IRAK2: variants seen among roughly 807,000 people sequenced by gnomAD.
The protein encoded by IRAK2 is interleukin-1 receptor-associated kinase-like 2.
IRAK2 carries 57 observed loss-of-function variants against 72.0 expected under a neutral mutation model. The observed-to-expected ratio is 0.79, with a 90% confidence interval of 0.64 to 0.99. The LOEUF (loss-of-function observed/expected upper bound fraction) is 0.99, where lower values mean the gene tolerates loss of function less well. IRAK2 is among the 50% of genes least tolerant of loss of function. The pLI is 0.00. For missense variants in IRAK2, 790 were observed against 794.4 expected (o/e 0.99, Z 0.07); for synonymous variants, 293 against 312.7 (o/e 0.94, Z 0.67).
At chr3:10,215,393 C>CAAA (rs562788691) in intron 6 of IRAK2, among the ~76,000 whole-genome samples, 15 of 77,982 alleles carry the variant, frequency 1.9e-4, no homozygotes, top group African/African-American at 3.7e-4. Context: ...GACTCTGTCT[C>CAAA]AAAAAAAAAA....
chr3:10,194,872 G>A (rs943156904), intron 2 of IRAK2, among the ~76,000 whole-genome samples: 3 of 152,174 alleles, frequency 2.0e-5, no homozygotes, highest in African/African-American at 7.2e-5. Flanking sequence ...TCTTGTTGGG[G>A]CTGACATGGG....
rs187922335 is a variant in IRAK2 at position 10,214,327 on chromosome 3, G to A, written c.788+779G>A. Among the ~76,000 whole-genome samples, 98 of 151,576 alleles carry A rather than the reference G, an allele frequency of 6.5e-4. 3 individuals carry two copies. The highest frequency in any genetic ancestry group is 6.4e-3 in the East Asian group (33 of 5,148). ...ACTGCAGCTTTGAACTCATGGGCTG[G>A]TGATCCTCCCACCTCAGCCTCTGAG... On this transcript the variant is annotated intron_variant, in intron 6 of 12. Transcript: ENST00000256458.
At chr3:10,226,298 G>A in intron 9 of IRAK2, 73 bp from the exon 10 acceptor site, 1 of 1,278,606 alleles carries the variant, frequency 7.8e-7, no homozygotes, top group South Asian at 1.2e-5. Context: ...ACTGAGAAGA[G>A]AAGACAGAAT....
intron 2 of IRAK2, among the ~76,000 whole-genome samples, chr3:10,185,558 CAAAAAAAAAA>C (rs770606601): frequency 4.3e-5 from 3 of 70,114 alleles, no homozygotes; most frequent in Non-Finnish European, 7.5e-5. Flanking sequence ...AACTCCGTCT[CAAAAAAAAAA>C]AAAAAAAAAA....
chr3:10,165,085 A>G lies in IRAK2; in HGVS notation c.94+37A>G, dbSNP rs781024442. 3 of 1,552,930 alleles carry G rather than the reference A, an allele frequency of 1.9e-6. No individual in the cohort carries two copies. The East Asian group carries it at 6.8e-5, about 35-fold the overall frequency. On this transcript the variant is annotated intron_variant, in intron 1 of 12. Transcript: ENST00000256458. ...CCGGGGAGGGGAGGGGACCAGGGCG[A>G]CCGGAGCCCCCAGCGATCCCGCCTG...
At chr3:10,199,767 CGAGAGGAGGAAG>C (rs1276372218) in intron 2 of IRAK2, among the ~76,000 whole-genome samples, 11 of 152,062 alleles carry the variant, frequency 7.2e-5, no homozygotes, top group African/African-American at 2.7e-4. Flanking sequence ...GAAGGGAGAC[CGAGAGGAGGAAG>C]GTGACTTGTT....
chr3:10,209,576 C>T lies in IRAK2; in HGVS notation c.425-13C>T. On this transcript the variant is annotated splice_polypyrimidine_tract_variant and intron_variant, in intron 3 of 12. Coordinates refer to ENST00000256458, the MANE Select transcript of IRAK2 (RefSeq NM_001570.4). ...CCGAGGCTGCATCCTGACCCATAGT[C>T]CCTCCTTTCCAGGGTCCTCTCCAGC... The T allele has an allele frequency of 1.3e-6, 2 of 1,529,342 alleles. No homozygotes were observed. Among genetic ancestry groups the T allele is most frequent in the Non-Finnish European group, 1.8e-6 (2 of 1,138,642 alleles). The allele number at this position is 1,529,342 out of a possible 1,614,324, so 94.7% of individuals were successfully genotyped here. A position where few individuals can be genotyped will look rare whatever the true frequency, so the allele number is the denominator to read the frequency against.
chr3:10,226,309 C>T, intron 9 of IRAK2, 62 bp from the exon 10 acceptor site: 1 of 1,376,632 alleles, frequency 7.3e-7, no homozygotes, highest in Non-Finnish European at 1.0e-6. Context: ...AAGACAGAAT[C>T]TGCTGCCTGG....
At chr3:10,173,820 G>A (rs757669350) in intron 1 of IRAK2, among the ~76,000 whole-genome samples, 4 of 152,022 alleles carry the variant, frequency 2.6e-5, no homozygotes, top group South Asian at 2.1e-4. Context: ...GCAAGACTCC[G>A]TCTGAAAAAA....
chr3:10,211,734 T>A (rs564974559), intron 4 of IRAK2, among the ~76,000 whole-genome samples: 4 of 152,018 alleles, frequency 2.6e-5, no homozygotes, highest in Non-Finnish European at 5.9e-5. Flanking sequence ...GATAATGGGG[T>A]TATGGATACT....
intron 9 of IRAK2, among the ~76,000 whole-genome samples, chr3:10,224,370 G>T (rs570627819): frequency 1.3e-5 from 2 of 151,708 alleles, no homozygotes; most frequent in South Asian, 2.1e-4. Context: ...AGAACCAGGG[G>T]GATAGAACCC....
chr3:10,241,190 G>C (rs892992880), intron 12 of IRAK2, among the ~76,000 whole-genome samples: 5 of 151,202 alleles, frequency 3.3e-5, no homozygotes, highest in African/African-American at 4.9e-5. Flanking sequence ...TGGGCTGATT[G>C]CTTGAGCCCA....
chr3:10,206,440 G>A (rs9823170), intron 3 of IRAK2, among the ~76,000 whole-genome samples: 355 of 152,334 alleles, frequency 2.3e-3, no homozygotes, highest in African/African-American at 8.2e-3. Context: ...TGAGGCTGAG[G>A]GCAGCCCCTT....
At position 10,177,827 on chromosome 3, in the gene IRAK2, G is replaced by T. The variant is rs367713180; in HGVS notation, c.95-11G>T. On this transcript the variant is annotated splice_polypyrimidine_tract_variant and intron_variant, in intron 1 of 12. Coordinates refer to ENST00000256458, the MANE Select transcript of IRAK2 (RefSeq NM_001570.4). ...TCTGACTCTAAGCAGAGTTCTCTCC[G>T]TCCCTTCCAGCCTCCTACGTGATCA... 6 of 1,610,634 alleles carry T rather than the reference G, an allele frequency of 3.7e-6. No homozygotes were observed. Among genetic ancestry groups the T allele is most frequent in the Non-Finnish European group, 4.2e-6 (5 of 1,179,894 alleles).
chr3:10,200,645 TC>T, intron 3 of IRAK2, 130 bp downstream of exon 3: 1 of 726,948 alleles, frequency 1.4e-6, no homozygotes, highest in Non-Finnish European at 2.1e-6. Flanking sequence ...ATGCCTATAA[TC>T]CCAGCTCCGT....
chr3:10,239,689 T>C (rs910152655), intron 12 of IRAK2, among the ~76,000 whole-genome samples: 23 of 151,898 alleles, frequency 1.5e-4, no homozygotes, highest in East Asian at 5.8e-4. Flanking sequence ...ATTGTGCCAC[T>C]GCACTGCAGC....
chr3:10,198,636 G>A (rs1476912670), intron 2 of IRAK2, among the ~76,000 whole-genome samples: 2 of 152,194 alleles, frequency 1.3e-5, no homozygotes, highest in African/African-American at 4.8e-5. Context: ...AATATGCACG[G>A]TGCCATACCA....
intron 11 of IRAK2, 23 bp downstream of exon 11, chr3:10,234,682 T>A (rs1256222305): frequency 8.1e-6 from 13 of 1,602,516 alleles, no homozygotes; most frequent in Non-Finnish European, 1.0e-5. Context: ...CGCAGCGGCC[T>A]CGCTGCCTGG....
At chr3:10,230,198 A>G (rs1317445565) in intron 10 of IRAK2, among the ~76,000 whole-genome samples, 1 of 152,186 alleles carries the variant, frequency 6.6e-6, no homozygotes, top group East Asian at 1.9e-4. Context: ...GTATGATCAC[A>G]TTTTTGCTAA....
Sources: gnomAD v4.1 joint callset for allele counts (sites outside exome capture counted in the v4.1 genomes callset) on GRCh38, gnomAD v4.1.1 for gene constraint, MANE v1.5 for transcripts, NCBI Gene and HGNC (gene_info 2026-07-23, HGNC 2026-07-21) for gene names.